LRFN2: variants seen among roughly 807,000 people sequenced by gnomAD.
LRFN2 encodes leucine-rich repeat and fibronectin type-III domain-containing protein 2.
LRFN2 carries 18 observed loss-of-function variants against 37.3 expected under a neutral mutation model. The observed-to-expected ratio is 0.48, with a 90% CI of 0.33 to 0.72. The LOEUF (loss-of-function observed/expected upper bound fraction) is 0.72. Ranked by LOEUF, LRFN2 falls within the 30% of genes least tolerant of loss-of-function variation. The pLI is 0.02. For synonymous variants in LRFN2, 556 were observed against 466.6 expected (o/e 1.19, Z -2.47); for missense variants, 1,006 against 1,060.7 (o/e 0.95, Z 0.72).
intron 1 of LRFN2, among the ~76,000 whole-genome samples, chr6:40,471,649 G>T (rs917900317): frequency 6.6e-6 from 1 of 152,300 alleles, no homozygotes; most frequent in South Asian, 2.1e-4. Context: ...CCTTCAAAGC[G>T]TTGCAGTGAG....
intron 2 of LRFN2, among the ~76,000 whole-genome samples, chr6:40,424,899 T>G (rs1389717642): frequency 6.6e-6 from 1 of 152,234 alleles, no homozygotes; most frequent in African/African-American, 2.4e-5. Flanking sequence ...TCCTGAGATG[T>G]CGATTTCATT....
At chr6:40,400,578 A>G (rs902133558) in intron 2 of LRFN2, among the ~76,000 whole-genome samples, 1 of 151,252 alleles carries the variant, frequency 6.6e-6, no homozygotes, top group African/African-American at 2.4e-5. Flanking sequence ...GCACCACCAT[A>G]CCTGGCTAAT....
chr6:40,560,683 C>A (rs1209717019), intron 1 of LRFN2, among the ~76,000 whole-genome samples: 2 of 152,190 alleles, frequency 1.3e-5, no homozygotes, highest in Non-Finnish European at 1.5e-5. Context: ...TCATGACCAG[C>A]ATGCTCAGTA....
At chr6:40,433,497 G>A (rs1763565838) in intron 1 of LRFN2, among the ~76,000 whole-genome samples, 1 of 152,182 alleles carries the variant, frequency 6.6e-6, no homozygotes, top group African/African-American at 2.4e-5. Flanking sequence ...ATAACTATCT[G>A]TTGGATGGAT....
chr6:40,548,638 A>T (rs1210909339), intron 1 of LRFN2, among the ~76,000 whole-genome samples: 1 of 152,152 alleles, frequency 6.6e-6, no homozygotes, highest in East Asian at 1.9e-4. Flanking sequence ...TGAGGCTCCA[A>T]CCAATGCATT....
chr6:40,569,234 GGGAGAAGCCCT>G (rs1167004391), intron 1 of LRFN2, among the ~76,000 whole-genome samples: 2 of 152,214 alleles, frequency 1.3e-5, no homozygotes, highest in Non-Finnish European at 2.9e-5. Context: ...CCTCCACTGG[GGGAGAAGCCCT>G]GGAGGATGGG....
intron 1 of LRFN2, among the ~76,000 whole-genome samples, chr6:40,441,505 G>T (rs529173124): frequency 6.6e-6 from 1 of 152,176 alleles, no homozygotes; most frequent in Non-Finnish European, 1.5e-5. Context: ...GAGTGAGTCT[G>T]CCTGAGGAAG....
chr6:40,402,365 G>A (rs1762757218), intron 2 of LRFN2, among the ~76,000 whole-genome samples: 2 of 152,214 alleles, frequency 1.3e-5, no homozygotes, highest in African/African-American at 2.4e-5. Context: ...TCTTCCCTAT[G>A]CTGTATTACA....
intron 2 of LRFN2, among the ~76,000 whole-genome samples, chr6:40,408,702 T>C (rs1170249945): frequency 6.6e-6 from 1 of 152,208 alleles, no homozygotes; most frequent in African/African-American, 2.4e-5. Context: ...TGTAGGAATA[T>C]AGTCAGGACT....
intron 1 of LRFN2, among the ~76,000 whole-genome samples, chr6:40,468,907 G>A (rs1055194488): frequency 7.9e-5 from 12 of 152,310 alleles, no homozygotes; most frequent in East Asian, 1.9e-4. Context: ...GACAGGAGGA[G>A]GGACAGGAGC....
intron 1 of LRFN2, among the ~76,000 whole-genome samples, chr6:40,542,843 T>C (rs1057455000): frequency 2.0e-5 from 3 of 152,200 alleles, no homozygotes; most frequent in Admixed American, 6.5e-5. Flanking sequence ...ATTAGTGCCC[T>C]AGGTCTCTGC....
rs1293574574 is a variant in LRFN2 at position 40,423,828 on chromosome 6, C to A, written c.1400+7886G>T. 1.3e-5 allele frequency among the ~76,000 whole-genome samples: 2 copies of A among 152,120 alleles called. 1 individual carries two copies. Among genetic ancestry groups the A allele is most frequent in the Admixed American group, 1.3e-4 (2 of 15,274 alleles). ...GGCGATGGGATCACTGGTGCTCTAG[C>A]AACAATTTTGTGCTTTTAAGTGACC... is the stretch of plus-strand genomic sequence containing the variant. On this transcript the variant is annotated intron_variant, in intron 2 of 2. Transcript: ENST00000338305.
chr6:40,408,068 G>C (rs1762886568), intron 2 of LRFN2: 1 of 153,002 alleles, frequency 6.5e-6, no homozygotes, highest in African/African-American at 2.4e-5. Flanking sequence ...CTGGGTGCTG[G>C]GGGGAGTGAG....
intron 1 of LRFN2, among the ~76,000 whole-genome samples, chr6:40,537,266 G>C (rs1766466350): frequency 6.6e-6 from 1 of 152,206 alleles, no homozygotes; most frequent in Non-Finnish European, 1.5e-5. Context: ...CCAATACTGG[G>C]AATAGTTCCT....
At chr6:40,457,627 A>ATTTCTTTC (rs1764261947) in intron 1 of LRFN2, among the ~76,000 whole-genome samples, 1 of 135,486 alleles carries the variant, frequency 7.4e-6, no homozygotes, top group Admixed American at 8.0e-5. Flanking sequence ...CAACAAAGAA[A>ATTTCTTTC]GACCCTGTTT....
rs1009975195 is a variant in LRFN2, at chr6:40,554,408, AGGGTGGAT to A, written c.-19+32525_-19+32532del. ...CTAGAATGCAAGATGGATGGAGGGA[AGGGTGGAT>A]GGGTGGATGGATGATGGGTGTAGGG... On this transcript the variant is annotated intron_variant, in intron 1 of 2. Transcript: ENST00000338305. Among the ~76,000 whole-genome samples, 48 of 152,248 alleles carry A rather than the reference AGGGTGGAT, an allele frequency of 3.2e-4. 2 individuals carry two copies. Among genetic ancestry groups the A allele is most frequent in the South Asian group, 2.5e-3 (12 of 4,810 alleles).
In LRFN2 at chr6:40,528,615, G is replaced by C. The variant is rs1045045606; in HGVS notation, c.-19+58326C>G. Among the ~76,000 whole-genome samples the C allele has an allele frequency of 3.3e-5, 5 of 152,288 alleles. No individual in the cohort carries two copies. In the East Asian group the frequency reaches 7.7e-4, roughly 23 times the overall value. The stretch of plus-strand genomic sequence containing the variant: ...ATACAGATGCTTTTTGACTTCCGAT[G>C]AGGTTACATAAGTTGAATGTTTACA... On this transcript the variant is annotated intron_variant, in intron 1 of 2. Coordinates refer to ENST00000338305, the MANE Select transcript of LRFN2 (RefSeq NM_020737.3).
intron 1 of LRFN2, among the ~76,000 whole-genome samples, chr6:40,466,396 C>T (rs1764467824): frequency 6.6e-6 from 1 of 152,166 alleles, no homozygotes. Flanking sequence ...GGGAGCCCTT[C>T]ACTGGAGGGA....
intron 1 of LRFN2, among the ~76,000 whole-genome samples, chr6:40,454,168 C>T (rs1276205058): frequency 6.6e-6 from 1 of 152,126 alleles, no homozygotes; most frequent in African/African-American, 2.4e-5. Flanking sequence ...TTCATTTTTT[C>T]CCAAGAGTTT....
Sources: gnomAD v4.1 joint callset for allele counts (sites outside exome capture counted in the v4.1 genomes callset) on GRCh38, gnomAD v4.1.1 for gene constraint, MANE v1.5 for transcripts, NCBI Gene and HGNC (gene_info 2026-07-23, HGNC 2026-07-21) for gene names.